PTCD2: variants seen among roughly 807,000 people sequenced by gnomAD.
PTCD2 encodes pentatricopeptide repeat-containing protein 2, mitochondrial.
Under a neutral mutation model 42.6 loss-of-function variants are expected in PTCD2, and 31 were observed. The ratio of observed to expected loss-of-function variants is 0.73; its 90% CI spans 0.55 to 0.98. The LOEUF is 0.98. PTCD2 is among the 50% of genes least tolerant of loss of function. The pLI is 0.00. For missense variants in PTCD2, 476 were observed against 454.8 expected, an observed-to-expected ratio of 1.05 and a Z score of -0.42; for synonymous variants, 183 against 170.9, an observed-to-expected ratio of 1.07 and a Z score of -0.55.
chr5:72,367,671 G>C lies in PTCD2; in HGVS notation c.*9244G>C, dbSNP rs1753234259. The C allele has an allele frequency of 6.6e-6, 1 of 152,164 alleles. No homozygotes were observed. Among genetic ancestry groups the C allele is most frequent in the Admixed American group, 6.5e-5 (1 of 15,282 alleles). The allele number at this position is 152,164 out of a possible 1,614,324, so 9.4% of individuals were successfully genotyped here. A position where few individuals can be genotyped will look rare whatever the true frequency, so the allele number is the denominator to read the frequency against. On this transcript the variant is annotated 3_prime_UTR_variant, in exon 10 of 10. Coordinates refer to ENST00000380639, the MANE Select transcript of PTCD2 (RefSeq NM_024754.5). The stretch of plus-strand genomic sequence containing the variant: ...ATGGCCATTTGGTCAAACACCTCTA[G>C]GAGTCTGGAGTTGAGTGGCCAGAAC...
intron 4 of PTCD2, among the ~76,000 whole-genome samples, chr5:72,333,753 G>A (rs1196876843): frequency 6.6e-6 from 1 of 152,174 alleles, no homozygotes; most frequent in African/African-American, 2.4e-5. Context: ...TAGGTTTTAT[G>A]TACTTTCACC....
chr5:72,330,385 G>A (rs1276779248), intron 3 of PTCD2, among the ~76,000 whole-genome samples: 1 of 152,264 alleles, frequency 6.6e-6, no homozygotes, highest in Non-Finnish European at 1.5e-5. Context: ...AAGGTAAAAA[G>A]TATCCTGTTT....
At chr5:72,338,228 C>T (rs1253834021) in intron 6 of PTCD2, among the ~76,000 whole-genome samples, 3 of 151,996 alleles carry the variant, frequency 2.0e-5, no homozygotes, top group Non-Finnish European at 4.4e-5. Flanking sequence ...GATTGGAAAT[C>T]CCCCAGAAAA....
chr5:72,326,541 C>T, intron 2 of PTCD2, 71 bp from the exon 3 acceptor site: 1 of 1,565,252 alleles, frequency 6.4e-7, no homozygotes, highest in Non-Finnish European at 8.7e-7. Context: ...GCTTCCCCAT[C>T]TTCCTGAGGT....
At chr5:72,326,082 G>T (rs1458705974) in intron 2 of PTCD2, among the ~76,000 whole-genome samples, 1 of 152,202 alleles carries the variant, frequency 6.6e-6, no homozygotes, top group Non-Finnish European at 1.5e-5. Context: ...CAAGAGGAAT[G>T]AAAAAGAGGT....
chr5:72,360,728 A>G lies in PTCD2; in HGVS notation c.*2301A>G, dbSNP rs1753074076. On this transcript the variant is annotated 3_prime_UTR_variant, in exon 10 of 10. Coordinates refer to ENST00000380639, the MANE Select transcript of PTCD2 (RefSeq NM_024754.5). ...GAGACACAATTTCACTCTGTCGCCC[A>G]GGCTGGAGTGCAGTGGTGTGATCTC... The G allele has an allele frequency of 1.3e-5, 2 of 149,796 alleles. No individual in the cohort carries two copies. The highest frequency in any genetic ancestry group is 5.0e-5 in the African/African-American group (2 of 40,240). The allele number at this position is 149,796 out of a possible 1,614,324, so 9.3% of individuals were successfully genotyped here.
At chr5:72,324,924 T>G (rs891614184) in intron 2 of PTCD2, among the ~76,000 whole-genome samples, 3 of 151,930 alleles carry the variant, frequency 2.0e-5, no homozygotes, top group East Asian at 1.9e-4. Flanking sequence ...TCTTAAGGTG[T>G]TGTTTTTTTT....
At chr5:72,323,109 C>T (rs1347096766) in intron 2 of PTCD2, among the ~76,000 whole-genome samples, 1 of 151,964 alleles carries the variant, frequency 6.6e-6, no homozygotes, top group Non-Finnish European at 1.5e-5. Flanking sequence ...ATGATCACAC[C>T]ACTGCACTCC....
chr5:72,350,722 C>A (rs1248510092), intron 8 of PTCD2, among the ~76,000 whole-genome samples: 1 of 152,200 alleles, frequency 6.6e-6, no homozygotes, highest in Admixed American at 6.5e-5. Context: ...GAACCAAAGA[C>A]AACCCCTCAT....
intron 3 of PTCD2, among the ~76,000 whole-genome samples, chr5:72,327,904 G>A (rs1193440960): frequency 6.6e-6 from 1 of 152,050 alleles, no homozygotes; most frequent in East Asian, 1.9e-4. Flanking sequence ...TGGTTCTCTA[G>A]GAATTATGGA....
chr5:72,334,997 T>C (rs757393152), intron 4 of PTCD2, 21 bp from the exon 5 acceptor site: 29 of 1,493,894 alleles, frequency 1.9e-5, no homozygotes, highest in Non-Finnish European at 2.3e-5. Context: ...TTAACCAAAC[T>C]GTATTGTTCT....
intron 1 of PTCD2, chr5:72,320,713 G>A (rs1750783479): frequency 6.2e-6 from 4 of 645,334 alleles, no homozygotes; most frequent in Non-Finnish European, 1.1e-5. Flanking sequence ...TCGAAGGACT[G>A]CTGGGGTATT....
intron 8 of PTCD2, among the ~76,000 whole-genome samples, chr5:72,345,895 T>C (rs181368480): frequency 6.6e-6 from 1 of 152,338 alleles, no homozygotes; most frequent in East Asian, 1.9e-4. Flanking sequence ...ATAGGAATTA[T>C]GCATAACTCC....
In PTCD2 at chr5:72,360,946, CAA is replaced by C. The variant is rs1753080748; in HGVS notation, c.*2521_*2522del. The stretch of plus-strand genomic sequence containing the variant: ...AAGTGATCTGCCTGCCTTGGCCTCC[CAA>C]AGTGCTGGGATTACAGGCATGAGCC... On this transcript the variant is annotated 3_prime_UTR_variant, in exon 10 of 10. Transcript: ENST00000380639. 6.6e-6 allele frequency: 1 copy of C among 152,236 alleles called. No homozygotes were observed. The allele number at this position is 152,236 out of a possible 1,614,324, so 9.4% of individuals were successfully genotyped here.
At position 72,366,550 on chromosome 5, in the gene PTCD2, A is replaced by G. The variant is rs1170606768; in HGVS notation, c.*8123A>G. Reference sequence around the variant, plus strand: ...CAGTAGCAGAGCTGAAGAACTTACAATAGACGGCAGAGGGCGTCCAGAGTC... The same window carrying G: ...CAGTAGCAGAGCTGAAGAACTTACAGTAGACGGCAGAGGGCGTCCAGAGTC... On this transcript the variant is annotated 3_prime_UTR_variant, in exon 10 of 10. Coordinates refer to ENST00000380639, the MANE Select transcript of PTCD2 (RefSeq NM_024754.5). 1 of 152,238 alleles carries G rather than the reference A, an allele frequency of 6.6e-6. No homozygotes were observed. Among genetic ancestry groups the G allele is most frequent in the Admixed American group, 6.5e-5 (1 of 15,292 alleles). 9.4% of individuals were successfully genotyped at this position (152,238 alleles called of 1,614,324 possible).
rs1261498610 is a variant in PTCD2, at chr5:72,363,313, C to T, written c.*4886C>T. The T allele has an allele frequency of 6.6e-6, 1 of 152,216 alleles. No individual in the cohort carries two copies. The highest frequency in any genetic ancestry group is 3.2e-3 in the Middle Eastern group (1 of 316). The allele number at this position is 152,216 out of a possible 1,614,324, so 9.4% of individuals were successfully genotyped here. A position where few individuals can be genotyped will look rare whatever the true frequency, so the allele number is the denominator to read the frequency against. ...CTTGTTAAAATACAGATTGATGGGC[C>T]CCACCCCCAGAATATCTGATTCCAT... On this transcript the variant is annotated 3_prime_UTR_variant, in exon 10 of 10. Coordinates refer to ENST00000380639, the MANE Select transcript of PTCD2 (RefSeq NM_024754.5).
At chr5:72,333,271 C>T (rs888373364) in intron 4 of PTCD2, among the ~76,000 whole-genome samples, 1 of 152,170 alleles carries the variant, frequency 6.6e-6, no homozygotes, top group Non-Finnish European at 1.5e-5. Context: ...CTTGAGGCTC[C>T]CTCCTTGACC....
rs200083459 is a variant in PTCD2, at chr5:72,331,997, AT to A, written c.468+624del. On this transcript the variant is annotated intron_variant, in intron 4 of 9. Coordinates refer to ENST00000380639, the MANE Select transcript of PTCD2 (RefSeq NM_024754.5). ...TAGGACCTAGAGACATTATAAATTC[AT>A]TCATTCATTATGAAGTCATTTTGAT... Among the ~76,000 whole-genome samples, 1,014 of 152,324 alleles carry A rather than the reference AT, an allele frequency of 6.7e-3. 9 individuals are homozygous for A. The highest frequency in any genetic ancestry group is 0.021 in the African/African-American group (871 of 41,574).
chr5:72,337,552 T>G (rs1751815658), intron 6 of PTCD2, among the ~76,000 whole-genome samples: 1 of 152,158 alleles, frequency 6.6e-6, no homozygotes, highest in Admixed American at 6.5e-5. Flanking sequence ...TCCCAGCACT[T>G]TGGGAGGCCG....
Sources: allele counts gnomAD v4.1 joint callset (sites outside exome capture counted in the v4.1 genomes callset), GRCh38; gene constraint gnomAD v4.1.1; transcripts MANE v1.5; gene names NCBI Gene and HGNC (gene_info 2026-07-23, HGNC 2026-07-21).